The following COP1 variants were observed in gnomAD, a reference collection of about 807,000 sequenced individuals.
COP1 encodes the protein COP1 E3 ubiquitin ligase, also known as E3 ubiquitin-protein ligase COP1.
A neutral mutation model predicts 101.3 loss-of-function variants in COP1; 24 were observed. The ratio of observed to expected loss-of-function variants is 0.24; its 90% CI spans 0.17 to 0.33. COP1 has a LOEUF of 0.33. Among genes scored for constraint, COP1 ranks in the 10% least tolerant of loss-of-function variants. The pLI is 1.00. For missense variants in COP1, 663 were observed against 906.2 expected (o/e 0.73, Z 3.45); for synonymous variants, 347 against 341.9 (o/e 1.01, Z -0.17).
chr1:176,066,015 C>T (rs767897954), intron 11 of COP1, among the ~76,000 whole-genome samples: 16 of 151,994 alleles, frequency 1.1e-4, no homozygotes, highest in Non-Finnish European at 1.8e-4. Flanking sequence ...CATGAGCCAC[C>T]GCACCTGGCC....
chr1:176,030,910 T>G (rs1668549689), intron 14 of COP1, among the ~76,000 whole-genome samples: 1 of 152,074 alleles, frequency 6.6e-6, no homozygotes, highest in African/African-American at 2.4e-5. Context: ...GGGTCCTAAA[T>G]CCATTGACTG....
At chr1:175,993,848 A>T (rs1207136397) in intron 15 of COP1, among the ~76,000 whole-genome samples, 2 of 152,234 alleles carry the variant, frequency 1.3e-5, no homozygotes, top group African/African-American at 4.8e-5. Context: ...GAACTTCCCC[A>T]ATCTAGCAAG....
intron 1 of COP1, among the ~76,000 whole-genome samples, chr1:176,201,192 A>C (rs147936506): frequency 7.9e-5 from 12 of 152,226 alleles, no homozygotes; most frequent in Non-Finnish European, 1.5e-4. Flanking sequence ...ATTCGAAAAC[A>C]AAAACCAAAA....
At chr1:176,040,715 G>A (rs750518197) in intron 14 of COP1, among the ~76,000 whole-genome samples, 17 of 152,038 alleles carry the variant, frequency 1.1e-4, no homozygotes, top group African/African-American at 4.1e-4. Flanking sequence ...GTCCACTCTT[G>A]TTTGTTTCCC....
intron 18 of COP1, among the ~76,000 whole-genome samples, chr1:175,948,200 A>G (rs1024228027): frequency 6.6e-6 from 1 of 152,228 alleles, no homozygotes; most frequent in Non-Finnish European, 1.5e-5. Context: ...GGGAAAAGAA[A>G]TGGACATGAC....
At chr1:176,187,173 G>A (rs1698563880) in intron 1 of COP1, among the ~76,000 whole-genome samples, 1 of 152,022 alleles carries the variant, frequency 6.6e-6, no homozygotes, top group Admixed American at 6.5e-5. Flanking sequence ...CACCCAGGCT[G>A]GAGTGCACTG....
At chr1:176,131,222 A>G (rs1443000955) in intron 8 of COP1, among the ~76,000 whole-genome samples, 1 of 151,898 alleles carries the variant, frequency 6.6e-6, no homozygotes, top group Non-Finnish European at 1.5e-5. Context: ...AATTTTAAGC[A>G]GGAAAGAAAC....
intron 8 of COP1, among the ~76,000 whole-genome samples, chr1:176,131,400 G>A (rs977485319): frequency 1.3e-5 from 2 of 151,712 alleles, no homozygotes; most frequent in African/African-American, 4.8e-5. Context: ...GAAAGGGAGA[G>A]AATACCATTA....
intron 9 of COP1, among the ~76,000 whole-genome samples, chr1:176,088,512 C>G (rs1227445664): frequency 6.6e-6 from 1 of 151,988 alleles, no homozygotes; most frequent in Non-Finnish European, 1.5e-5. Flanking sequence ...ATGTGTTTGT[C>G]AAATCTCACT....
At chr1:176,179,115 C>T (rs1433500039) in intron 2 of COP1, among the ~76,000 whole-genome samples, 1 of 151,700 alleles carries the variant, frequency 6.6e-6, no homozygotes, top group African/African-American at 2.4e-5. Context: ...CATGGTGAAA[C>T]CCCCATCTCT....
At chr1:176,200,027 T>C (rs548083609) in intron 1 of COP1, among the ~76,000 whole-genome samples, 2 of 152,300 alleles carry the variant, frequency 1.3e-5, no homozygotes, top group East Asian at 3.9e-4. Context: ...GAACCTGACC[T>C]CTGAGCCAAA....
At chr1:176,111,093 A>C (rs962348395) in intron 9 of COP1, among the ~76,000 whole-genome samples, 6 of 152,262 alleles carry the variant, frequency 3.9e-5, no homozygotes, top group South Asian at 4.1e-4. Flanking sequence ...CGGAGGTTGC[A>C]GTAAGCTGAG....
rs1411938320 is a variant in COP1 at position 175,988,441 on chromosome 1, T to C, written c.1848-29A>G. On this transcript the variant is annotated intron_variant, in intron 16 of 19. Coordinates refer to ENST00000367669, the MANE Select transcript of COP1 (RefSeq NM_022457.7). ...AGGAAAAGTACAAAGAGTAAGAACT[T>C]ACTTAAAATTTCTTGGCACGAAACT... 3.2e-6 allele frequency: 5 copies of C among 1,547,850 alleles called. No homozygotes were observed. The South Asian group carries it at 3.6e-5, about 11-fold the overall frequency.
In COP1 at chr1:176,063,204, C is replaced by T. The variant is rs536633506; in HGVS notation, c.1278-16880G>A. 1.0e-3 allele frequency among the ~76,000 whole-genome samples: 154 copies of T among 151,784 alleles called. No homozygotes were observed. The South Asian group carries it at 0.011, about 10-fold the overall frequency. ...CCTCCCGAGTAGCTGGGACTACAGG[C>T]GCCCGCCACCGCGCCTGGCTAATTT... On this transcript the variant is annotated intron_variant, in intron 11 of 19. Transcript: ENST00000367669.
chr1:176,181,548 A>T (rs1413862014), intron 2 of COP1, among the ~76,000 whole-genome samples: 1 of 152,104 alleles, frequency 6.6e-6, no homozygotes, highest in African/African-American at 2.4e-5. Flanking sequence ...TGGGTATCTT[A>T]AAACACATTC....
intron 3 of COP1, among the ~76,000 whole-genome samples, chr1:176,172,923 G>T (rs540301589): frequency 4.6e-5 from 7 of 152,278 alleles, no homozygotes; most frequent in African/African-American, 1.7e-4. Context: ...ACAAATAGAT[G>T]TATCAGGATG....
chr1:176,136,130 C>T (rs1216660715), intron 7 of COP1, among the ~76,000 whole-genome samples: 3 of 151,818 alleles, frequency 2.0e-5, no homozygotes, highest in African/African-American at 7.3e-5. Context: ...AACCTTAACT[C>T]CTAGAAATGC....
At chr1:175,968,815 C>A (rs1649783745) in intron 18 of COP1, among the ~76,000 whole-genome samples, 1 of 152,348 alleles carries the variant, frequency 6.6e-6, no homozygotes. Flanking sequence ...TTCTCGCCAA[C>A]TGGCCCTAAA....
At chr1:176,167,037 T>C (rs528934503) in intron 3 of COP1, among the ~76,000 whole-genome samples, 3 of 152,318 alleles carry the variant, frequency 2.0e-5, no homozygotes, top group Non-Finnish European at 2.9e-5. Context: ...AGCTTAAGTG[T>C]TTCCTCATCA....
Sources: allele counts gnomAD v4.1 joint callset (sites outside exome capture counted in the v4.1 genomes callset), GRCh38; gene constraint gnomAD v4.1.1; transcripts MANE v1.5; gene names NCBI Gene and HGNC (gene_info 2026-07-23, HGNC 2026-07-21).